The following ZFHX4 variants were observed in gnomAD, a reference collection of about 807,000 sequenced individuals.
The protein encoded by ZFHX4 is zinc finger homeobox protein 4.
Under a neutral mutation model 267.6 loss-of-function variants are expected in ZFHX4, and 56 were observed. The ratio of observed to expected loss-of-function variants is 0.21; its 90% confidence interval spans 0.17 to 0.26. The LOEUF is 0.26. Ranked by LOEUF, ZFHX4 falls within the 10% of genes least tolerant of loss-of-function variation. ZFHX4 has a pLI of 1.00. For synonymous variants in ZFHX4, 1,778 were observed against 1,665.6 expected (o/e 1.07, Z -1.64); for missense variants, 4,332 against 4,420.0 (o/e 0.98, Z 0.56).
chr8:76,816,419 G>A (rs1811507349), intron 4 of ZFHX4, among the ~76,000 whole-genome samples: 1 of 151,942 alleles, frequency 6.6e-6, no homozygotes, highest in Non-Finnish European at 1.5e-5. Context: ...CCTATTACCT[G>A]CATATCACTT....
intron 7 of ZFHX4, 59 bp downstream of exon 7, chr8:76,849,187 T>C: frequency 6.7e-7 from 1 of 1,487,538 alleles, no homozygotes; most frequent in Non-Finnish European, 9.0e-7. Context: ...CTCCTGATAG[T>C]TTTAAAGCCC....
chr8:76,747,726 G>C (rs1809497722), intron 3 of ZFHX4, among the ~76,000 whole-genome samples: 1 of 152,154 alleles, frequency 6.6e-6, no homozygotes, highest in South Asian at 2.1e-4. Context: ...GAGGTCAGGA[G>C]TTTGAGACCA....
At chr8:76,685,694 G>C (rs1267511244) in intron 1 of ZFHX4, among the ~76,000 whole-genome samples, 2 of 152,170 alleles carry the variant, frequency 1.3e-5, no homozygotes, top group South Asian at 4.1e-4. Flanking sequence ...TTCTTAAAGA[G>C]TATGCATGAA....
At chr8:76,753,004 A>G (rs952097746) in intron 3 of ZFHX4, among the ~76,000 whole-genome samples, 3 of 152,182 alleles carry the variant, frequency 2.0e-5, no homozygotes, top group African/African-American at 7.2e-5. Flanking sequence ...GTACCAGTGC[A>G]TGCCAATGCA....
chr8:76,713,900 A>G (rs1207443280), intron 3 of ZFHX4, among the ~76,000 whole-genome samples: 2 of 151,892 alleles, frequency 1.3e-5, no homozygotes, highest in African/African-American at 4.8e-5. Flanking sequence ...ACACACACAC[A>G]CACACGACCA....
In ZFHX4 at chr8:76,705,565, G is replaced by T. The variant is rs762062219; in HGVS notation, c.1477G>T (p.Asp493Tyr). ...CGAGGAAGTATTAGGTGAACTCACC[G>T]ATAGTATTGGTAACAAAGATTTCCC... The part of the protein sequence containing the change: ...DDEEVLGELT[D>Y]SIGNKDFPLL... The change falls in exon 2 of 11, where the codon GAT (aspartate) becomes TAT (tyrosine). Residue 493 changes from aspartate to tyrosine, a missense_variant. Around this residue, in one of 7 missense-constraint regions of ZFHX4, gnomAD observed 1,195 missense variants for 1,173.6 expected, o/e 1.02. Transcript: ENST00000651372. The T allele has an allele frequency of 6.2e-7, 1 of 1,613,580 alleles. No homozygotes were observed. Among genetic ancestry groups the T allele is most frequent in the Admixed American group, 1.7e-5 (1 of 59,946 alleles).
intron 3 of ZFHX4, among the ~76,000 whole-genome samples, chr8:76,728,354 A>G (rs1013732386): frequency 2.6e-5 from 4 of 152,184 alleles, no homozygotes; most frequent in African/African-American, 7.2e-5. Context: ...GCAAGTATGA[A>G]AATCTCCAAA....
At chr8:76,761,711 T>C (rs1443128365) in intron 3 of ZFHX4, among the ~76,000 whole-genome samples, 3 of 152,204 alleles carry the variant, frequency 2.0e-5, no homozygotes, top group Non-Finnish European at 2.9e-5. Context: ...GCTGAAAAAT[T>C]ATTTGATTTT....
chr8:76,705,418 A>T lies in ZFHX4; in HGVS notation c.1330A>T (p.Asn444Tyr). 1 of 1,613,862 alleles carries T rather than the reference A, an allele frequency of 6.2e-7. No individual in the cohort carries two copies. Among genetic ancestry groups the T allele is most frequent in the Non-Finnish European group, 8.5e-7 (1 of 1,179,876 alleles). The change falls in exon 2 of 11, where the codon AAC becomes TAC. Residue 444 changes from asparagine to tyrosine, a missense_variant. By Grantham distance (143) the Asn-to-Tyr change is moderately radical. Transcript: ENST00000651372. Reference sequence around the variant, plus strand: ...GTCAGAGAGCAAAGACCAAGAGAACAACTGTGAAAGGCCAAAAGAAAGCAA... The same window carrying T: ...GTCAGAGAGCAAAGACCAAGAGAACTACTGTGAAAGGCCAAAAGAAAGCAA... ...KMSESKDQEN[N>Y]CERPKESNVL...
In ZFHX4 at chr8:76,856,227, C is replaced by G. The variant is rs61729534; in HGVS notation, c.9306C>G (p.Pro3102=). 6.2e-7 allele frequency: 1 copy of G among 1,613,964 alleles called. No individual in the cohort carries two copies. Among genetic ancestry groups the G allele is most frequent in the East Asian group, 2.2e-5 (1 of 44,862 alleles). Residue 3102 remains proline, a synonymous_variant, in exon 10 of 11, where the codon CCC becomes CCG. Coordinates refer to ENST00000651372, the MANE Select transcript of ZFHX4 (RefSeq NM_024721.5). ...ISLPTAYPGL[P]GLPPVLLPGM... Reference sequence around the variant, plus strand: ...TGCCAACAGCCTACCCCGGACTCCCCGGCCTTCCTCCAGTCCTTCTCCCCG... The same window carrying G: ...TGCCAACAGCCTACCCCGGACTCCCGGGCCTTCCTCCAGTCCTTCTCCCCG...
intron 6 of ZFHX4, 30 bp downstream of exon 6, chr8:76,842,801 T>C (rs1363675282): frequency 6.7e-7 from 1 of 1,486,398 alleles, no homozygotes; most frequent in South Asian, 1.2e-5. Context: ...CACCTCGGCA[T>C]TTCCCTATAC....
intron 3 of ZFHX4, among the ~76,000 whole-genome samples, chr8:76,724,131 G>A (rs752009126): frequency 4.3e-4 from 65 of 152,168 alleles, no homozygotes; most frequent in Admixed American, 2.6e-3. Flanking sequence ...GAAGGTTGAA[G>A]GAGATGAACC....
rs779580830 is a variant in ZFHX4, at chr8:76,704,889, T to C, written c.801T>C (p.Gly267=). The change falls in exon 2 of 11, where the codon GGT becomes GGC. Residue 267 remains glycine (G), a synonymous_variant. Transcript: ENST00000651372. The part of the protein sequence containing the change: ...PNNVDLSKFD[G]CVSDGKRKPV... ...ATGTGGACTTGTCCAAATTCGATGG[T>C]TGTGTTAGCGATGGGAAAAGGAAAC... The C allele has an allele frequency of 1.2e-6, 2 of 1,614,162 alleles. No individual in the cohort carries two copies. Among genetic ancestry groups the C allele is most frequent in the Admixed American group, 1.7e-5 (1 of 60,028 alleles).
At chr8:76,708,715 CTG>C (rs753517240) in intron 3 of ZFHX4, among the ~76,000 whole-genome samples, 2 of 152,156 alleles carry the variant, frequency 1.3e-5, no homozygotes, top group Non-Finnish European at 2.9e-5. Context: ...ACTTGGAAGA[CTG>C]TGCACATGTA....
chr8:76,792,552 G>A (rs1165216969), intron 4 of ZFHX4, among the ~76,000 whole-genome samples: 2 of 152,142 alleles, frequency 1.3e-5, no homozygotes, highest in African/African-American at 4.8e-5. Context: ...CATTCTGGAA[G>A]ACCACTGGAC....
intron 10 of ZFHX4, among the ~76,000 whole-genome samples, chr8:76,857,070 A>C (rs1812749262): frequency 6.6e-6 from 1 of 152,180 alleles, no homozygotes; most frequent in African/African-American, 2.4e-5. Flanking sequence ...AGGCAACCTC[A>C]GATGCTGAAT....
At chr8:76,747,001 A>G (rs1057317074) in intron 3 of ZFHX4, among the ~76,000 whole-genome samples, 1 of 152,182 alleles carries the variant, frequency 6.6e-6, no homozygotes, top group Non-Finnish European at 1.5e-5. Context: ...TTCATTTCTT[A>G]TATTTTCTTT....
At chr8:76,778,041 C>T (rs755214282) in intron 3 of ZFHX4, among the ~76,000 whole-genome samples, 167 bp from the exon 4 acceptor site, 14 of 152,136 alleles carry the variant, frequency 9.2e-5, no homozygotes, top group Non-Finnish European at 1.9e-4. Flanking sequence ...TGTATCTGCA[C>T]GGAATTAATT....
At chr8:76,753,808 T>C (rs1352442774) in intron 3 of ZFHX4, among the ~76,000 whole-genome samples, 2 of 151,968 alleles carry the variant, frequency 1.3e-5, no homozygotes, top group Non-Finnish European at 2.9e-5. Context: ...TTATTATTAC[T>C]GTAGAGATGG....
Sources: gnomAD v4.1 joint callset for allele counts (sites outside exome capture counted in the v4.1 genomes callset) on GRCh38, gnomAD v4.1.1 for gene constraint, gnomAD v4.1.1 regional missense constraint, MANE v1.5 for transcripts, NCBI Gene and HGNC (gene_info 2026-07-23, HGNC 2026-07-21) for gene names.